CARS2: variants seen among roughly 807,000 people sequenced by gnomAD.
CARS2 encodes the protein cysteinyl-tRNA synthetase 2, mitochondrial.
Under a neutral mutation model 68.8 loss-of-function variants are expected in CARS2, and 52 were observed. The observed-to-expected ratio is 0.76, with a 90% CI of 0.61 to 0.95. The LOEUF (loss-of-function observed/expected upper bound fraction) is 0.95, where lower values mean the gene tolerates loss of function less well. CARS2 is among the 40% of genes least tolerant of loss of function. The pLI is 0.00. For missense variants in CARS2, 780 were observed against 754.2 expected (o/e 1.03, Z -0.40); for synonymous variants, 314 against 303.6 (o/e 1.03, Z -0.36).
At chr13:110,704,243 T>C (rs2063873360) in intron 2 of CARS2, among the ~76,000 whole-genome samples, 1 of 152,234 alleles carries the variant, frequency 6.6e-6, no homozygotes, top group African/African-American at 2.4e-5. Context: ...CCCTTCTGGT[T>C]TAAGGCTTAT....
chr13:110,656,849 A>G (rs1285034001), intron 9 of CARS2, among the ~76,000 whole-genome samples: 1 of 151,442 alleles, frequency 6.6e-6, no homozygotes, highest in African/African-American at 2.4e-5. Context: ...GTGCCACTGC[A>G]CTCCAGCCTG....
At position 110,692,997 on chromosome 13, in the gene CARS2, C is replaced by T. The variant is rs186690175; in HGVS notation, c.394-4979G>A. On this transcript the variant is annotated intron_variant, in intron 3 of 14. Transcript: ENST00000257347. ...TGGTGGTGGGCGCCTGTAATCCCAG[C>T]CATTTGGGAGGCTGAGGCAGGAGAA... Among the ~76,000 whole-genome samples, 339 of 150,330 alleles carry T rather than the reference C, an allele frequency of 2.3e-3. 1 individual carries two copies. The highest frequency in any genetic ancestry group is 6.9e-3 in the African/African-American group (282 of 40,916).
At chr13:110,702,484 A>AT in intron 2 of CARS2, among the ~76,000 whole-genome samples, 2 of 152,362 alleles carry the variant, frequency 1.3e-5, no homozygotes, top group Middle Eastern at 6.8e-3. Flanking sequence ...TATTATTACC[A>AT]TTCTCATCAC....
At chr13:110,703,041 C>T (rs966815652) in intron 2 of CARS2, among the ~76,000 whole-genome samples, 2 of 152,180 alleles carry the variant, frequency 1.3e-5, no homozygotes, top group Non-Finnish European at 2.9e-5. Context: ...GCACCCTCCC[C>T]AGTCTGGCTG....
intron 3 of CARS2, among the ~76,000 whole-genome samples, chr13:110,696,918 C>A (rs1050989840): frequency 3.9e-5 from 6 of 152,180 alleles, no homozygotes; most frequent in African/African-American, 1.4e-4. Flanking sequence ...CCCCACCTTC[C>A]CCATCGCCCC....
intron 2 of CARS2, among the ~76,000 whole-genome samples, chr13:110,701,951 A>G (rs2063799311): frequency 6.6e-6 from 1 of 152,234 alleles, no homozygotes; most frequent in African/African-American, 2.4e-5. Context: ...AACAGAAGCA[A>G]ATACCAAATC....
At chr13:110,681,543 T>C (rs891081967) in intron 6 of CARS2, among the ~76,000 whole-genome samples, 25 of 152,316 alleles carry the variant, frequency 1.6e-4, no homozygotes, top group African/African-American at 6.0e-4. Context: ...AGCTGGGCAG[T>C]TTCTGACACA....
chr13:110,712,200 A>ATG (rs142964577), intron 1 of CARS2: 7,466 of 152,932 alleles, frequency 0.049, 570 homozygotes, highest in African/African-American at 0.16. Context: ...GACAGGGCTT[A>ATG]GTTCGTGGAA....
intron 9 of CARS2, among the ~76,000 whole-genome samples, chr13:110,656,606 C>T (rs971609934): frequency 1.4e-4 from 21 of 151,762 alleles, no homozygotes; most frequent in South Asian, 4.2e-4. Context: ...TCTTAGAGGC[C>T]GGGCGTGGTG....
chr13:110,665,575 C>T lies in CARS2; in HGVS notation c.919+1765G>A, dbSNP rs1317861708. 5.1e-6 allele frequency: 5 copies of T among 985,378 alleles called. No homozygotes were observed. Among genetic ancestry groups the T allele is most frequent in the Non-Finnish European group, 6.0e-6 (5 of 829,990 alleles). The allele number at this position is 985,378 out of a possible 1,614,324, so 61.0% of individuals were successfully genotyped here. A position where few individuals can be genotyped will look rare whatever the true frequency, so the allele number is the denominator to read the frequency against. ...CAGCTAAGGCTGCCCTTCTTGCCCC[C>T]CAGCTCCACACTCGCAGAAGGGCTC... On this transcript the variant is annotated intron_variant, in intron 8 of 14. Coordinates refer to ENST00000257347, the MANE Select transcript of CARS2 (RefSeq NM_024537.4). This position sits in a 1 kb window ranked among gnomAD's most constrained non-coding sequence, Gnocchi z 4.3.
At chr13:110,673,297 G>C (rs147812835) in intron 7 of CARS2, among the ~76,000 whole-genome samples, 1 of 152,238 alleles carries the variant, frequency 6.6e-6, no homozygotes, top group South Asian at 2.1e-4. Context: ...GATGAACATC[G>C]ATGCAAAAAT....
At chr13:110,651,517 G>A (rs146800716) in intron 9 of CARS2, among the ~76,000 whole-genome samples, 312 of 152,342 alleles carry the variant, frequency 2.0e-3, no homozygotes, top group Middle Eastern at 3.4e-3. Context: ...ACCCCCAGGA[G>A]AAGCTTGCGG....
rs547702190 is a variant in CARS2 at position 110,647,165 on chromosome 13, C to G, written c.1129G>C (p.Ala377Pro). ...LLGLGSFLED[A>P]RAYMKGQLAC... ...AGCTGCCCCTTCATGTAGGCACGTG[C>G]GTCCTCCAGGAAAGAGCCCAGCCCC... is the stretch of plus-strand genomic sequence containing the variant. Residue 377 changes from alanine to proline, a missense_variant, in exon 11 of 15, where the codon GCA (alanine) becomes CCA (proline). Coordinates refer to ENST00000257347, the MANE Select transcript of CARS2 (RefSeq NM_024537.4). 2.5e-6 allele frequency: 4 copies of G among 1,612,124 alleles called. No individual in the cohort carries two copies. Among genetic ancestry groups the G allele is most frequent in the Non-Finnish European group, 3.4e-6 (4 of 1,179,518 alleles).
At chr13:110,686,242 CT>C (rs60668690) in intron 5 of CARS2, among the ~76,000 whole-genome samples, 4,395 of 136,134 alleles carry the variant, frequency 0.032, 209 homozygotes, top group African/African-American at 0.11. Flanking sequence ...GCAACTCACG[CT>C]TTTTTTTTTT....
upstream of CARS2, among the ~76,000 whole-genome samples, chr13:110,709,697 T>C (rs370903506): frequency 1.4e-4 from 21 of 152,218 alleles, no homozygotes; most frequent in African/African-American, 5.1e-4. Flanking sequence ...CTTGTGATTA[T>C]GTAAGTTAGT....
intron 5 of CARS2, among the ~76,000 whole-genome samples, chr13:110,683,764 C>G (rs1349264035): frequency 6.6e-6 from 1 of 152,196 alleles, no homozygotes; most frequent in East Asian, 1.9e-4. Context: ...CGCCTCCAAT[C>G]CCAGCACTTT....
chr13:110,686,804 C>T (rs574826041), intron 5 of CARS2, among the ~76,000 whole-genome samples: 21 of 152,022 alleles, frequency 1.4e-4, no homozygotes, highest in Middle Eastern at 3.4e-3. Context: ...GTGATCCACC[C>T]GCTTCCACCT....
chr13:110,642,400 C>A lies in CARS2; in HGVS notation c.1538G>T (p.Arg513Leu). 1 of 1,578,676 alleles carries A rather than the reference C, an allele frequency of 6.3e-7. No homozygotes were observed. Among genetic ancestry groups the A allele is most frequent in the African/African-American group, 1.3e-5 (1 of 74,286 alleles). Residue 513 changes from arginine (R) to leucine (L), a missense_variant, in exon 14 of 15, where the codon CGG (arginine) becomes CTG (leucine). Physicochemically the swap from Arg to Leu is moderately radical, Grantham distance 102 (BLOSUM62 -2). Coordinates refer to ENST00000257347, the MANE Select transcript of CARS2 (RefSeq NM_024537.4). The stretch of plus-strand genomic sequence containing the variant: ...GGGCTGCCTTTCTAGGAGCTGCTGC[C>A]GCCGGGCGTCCCCCGTGGCCTCGGG... The part of the protein sequence containing the change: ...AMPEATGDAR[R>L]QQLLERQPLL...
chr13:110,697,442 T>C (rs2139907767), intron 3 of CARS2, among the ~76,000 whole-genome samples: 1 of 152,334 alleles, frequency 6.6e-6, no homozygotes, highest in South Asian at 2.1e-4. Flanking sequence ...GCTTTGGAAA[T>C]TAATTAACTT....
Sources: gnomAD v4.1 joint callset for allele counts (sites outside exome capture counted in the v4.1 genomes callset) on GRCh38, gnomAD v4.1.1 for gene constraint, Gnocchi (gnomAD v3.1) non-coding constraint, MANE v1.5 for transcripts, NCBI Gene and HGNC (gene_info 2026-07-23, HGNC 2026-07-21) for gene names.